SCN10A: variants seen among roughly 807,000 people sequenced by gnomAD.
SCN10A encodes the protein sodium channel protein type 10 subunit alpha.
A neutral mutation model predicts 170.7 loss-of-function variants in SCN10A; 162 were observed. The observed-to-expected ratio is 0.95, with a 90% CI of 0.84 to 1.08. SCN10A has a LOEUF of 1.08. Ranked by LOEUF, SCN10A falls within the 50% of genes least tolerant of loss-of-function variation. SCN10A has a pLI of 0.00. For missense variants in SCN10A, 2,527 were observed against 2,436.9 expected (o/e 1.04, Z -0.78); for synonymous variants, 985 against 904.6 (o/e 1.09, Z -1.59).
At chr3:38,805,411 T>C (rs1239950348) in intron 1 of SCN10A, among the ~76,000 whole-genome samples, 1 of 152,160 alleles carries the variant, frequency 6.6e-6, no homozygotes, top group Non-Finnish European at 1.5e-5. Flanking sequence ...TGCTGGGCTC[T>C]CCATGGCAAC....
chr3:38,797,921 T>C (rs1392678928), intron 1 of SCN10A, among the ~76,000 whole-genome samples: 2 of 152,190 alleles, frequency 1.3e-5, no homozygotes, highest in Admixed American at 6.5e-5. Context: ...CAAAATTGTT[T>C]TCAACATTGG....
intron 20 of SCN10A, 114 bp downstream of exon 20, chr3:38,722,144 T>C: frequency 9.8e-7 from 1 of 1,017,616 alleles, no homozygotes; most frequent in East Asian, 2.5e-5. Flanking sequence ...GTGACAAGGT[T>C]GGGGACTTTC....
intron 6 of SCN10A, 74 bp downstream of exon 6, chr3:38,763,431 C>T (rs1001263804): frequency 3.4e-6 from 4 of 1,168,658 alleles, no homozygotes; most frequent in African/African-American, 1.5e-5. Context: ...TGGAACCTTA[C>T]AGGGTTCTTG....
At chr3:38,712,035 T>C in intron 23 of SCN10A, 126 bp downstream of exon 23, 3 of 863,912 alleles carry the variant, frequency 3.5e-6, no homozygotes, top group South Asian at 1.7e-5. Flanking sequence ...GAATAGAGAA[T>C]GACCTCAGTT....
At chr3:38,789,950 T>G (rs1040826629) in intron 3 of SCN10A, among the ~76,000 whole-genome samples, 6 of 152,066 alleles carry the variant, frequency 3.9e-5, no homozygotes. Context: ...ACAGAGAGAG[T>G]ACAACACTCA....
intron 15 of SCN10A, among the ~76,000 whole-genome samples, chr3:38,737,832 C>CTTTCTTTCTT (rs373851282): frequency 0.015 from 1,079 of 70,202 alleles, 20 homozygotes; most frequent in African/African-American, 0.039. Context: ...TTCTTTCTTT[C>CTTTCTTTCTT]TCTTTCTTCT....
At chr3:38,789,069 C>G (rs762173683) in intron 3 of SCN10A, 33 bp from the exon 4 acceptor site, 2 of 1,261,962 alleles carry the variant, frequency 1.6e-6, no homozygotes, top group East Asian at 4.6e-5. Context: ...AAGCTGAGAT[C>G]ACCAAGTCTC....
chr3:38,726,873 C>A lies in SCN10A; in HGVS notation c.2820G>T (p.Gln940His). Residue 940 changes from glutamine to histidine, a missense_variant, in exon 17 of 28, where the codon CAG becomes CAT. Gln to His is a conservative substitution (Grantham distance 24). Transcript: ENST00000449082. ...SFFSRSCPFPQPKAEPELVVK... is the reference protein window; with the variant it reads ...SFFSRSCPFPHPKAEPELVVK... ...CCACCAGCTCAGGCTCTGCCTTGGG[C>A]TGGGGGAATGGGCAGGACCTGCTGA... The A allele has an allele frequency of 1.2e-6, 2 of 1,614,210 alleles. No homozygotes were observed. Among genetic ancestry groups the A allele is most frequent in the Non-Finnish European group, 1.7e-6 (2 of 1,180,034 alleles).
At chr3:38,716,580 T>C (rs538424833) in intron 21 of SCN10A, among the ~76,000 whole-genome samples, 120 of 152,258 alleles carry the variant, frequency 7.9e-4, no homozygotes, top group African/African-American at 2.7e-3. Flanking sequence ...TATGTCTTTA[T>C]CAGCAGCATG....
intron 18 of SCN10A, among the ~76,000 whole-genome samples, chr3:38,724,522 G>T (rs2063431620): frequency 6.6e-6 from 1 of 152,112 alleles, no homozygotes; most frequent in Non-Finnish European, 1.5e-5. Context: ...TAATCTTCCA[G>T]CTCAGTCTCT....
At chr3:38,713,633 G>A (rs550047175) in intron 22 of SCN10A, among the ~76,000 whole-genome samples, 1 of 152,206 alleles carries the variant, frequency 6.6e-6, no homozygotes, top group African/African-American at 2.4e-5. Flanking sequence ...CGGAGCTCAG[G>A]GTTGGTGGGA....
intron 4 of SCN10A, among the ~76,000 whole-genome samples, chr3:38,782,224 T>C (rs1431071478): frequency 6.6e-6 from 1 of 152,120 alleles, no homozygotes; most frequent in Non-Finnish European, 1.5e-5. Flanking sequence ...CATACTCTGC[T>C]CACATGTTCT....
intron 26 of SCN10A, among the ~76,000 whole-genome samples, chr3:38,704,590 T>G (rs2063190431): frequency 6.6e-6 from 1 of 152,206 alleles, no homozygotes; most frequent in South Asian, 2.1e-4. Flanking sequence ...GCCTATTATA[T>G]TTCTATAAAG....
At chr3:38,760,915 G>A (rs2063862555) in intron 7 of SCN10A, among the ~76,000 whole-genome samples, 168 bp from the exon 8 acceptor site, 1 of 152,200 alleles carries the variant, frequency 6.6e-6, no homozygotes, top group Admixed American at 6.5e-5. Flanking sequence ...CATCTGAAAA[G>A]AGAAGAGCTA....
chr3:38,775,422 C>T (rs2064060996), intron 4 of SCN10A, among the ~76,000 whole-genome samples: 1 of 152,150 alleles, frequency 6.6e-6, no homozygotes, highest in South Asian at 2.1e-4. Context: ...ATTTTTAAAA[C>T]TGAATGATAT....
chr3:38,697,913 G>C lies in SCN10A; in HGVS notation c.5307C>G (p.Asp1769Glu), dbSNP rs774474141. Reference sequence around the variant, plus strand: ...GGATTCTCAGGGGACCAGAGAGAGTGTCTGCAAAGTCCGAGAGAGCAGAAA... The same window carrying C: ...GGATTCTCAGGGGACCAGAGAGAGTCTCTGCAAAGTCCGAGAGAGCAGAAA... The part of the protein sequence containing the change: ...ITFSALSDFA[D>E]TLSGPLRIPK... The change falls in exon 28 of 28, where the codon GAC becomes GAG. Residue 1769 changes from aspartate to glutamate, a missense_variant. Transcript: ENST00000449082. 1.2e-6 allele frequency: 2 copies of C among 1,614,020 alleles called. No homozygotes were observed. The highest frequency in any genetic ancestry group is 1.7e-6 in the Non-Finnish European group (2 of 1,180,044).
intron 21 of SCN10A, among the ~76,000 whole-genome samples, chr3:38,714,549 G>A (rs1359212799): frequency 3.9e-5 from 6 of 152,200 alleles, no homozygotes; most frequent in Admixed American, 3.9e-4. Context: ...AGTGGTTTGG[G>A]TGGGGTCTAA....
In SCN10A at chr3:38,722,348, C is replaced by T. The variant is rs143744796; in HGVS notation, c.3417G>A (p.Trp1139Ter). ...DTTKSPWDVGWQVRKTCYRIV... is the reference protein window; with the variant it reads ...DTTKSPWDVG ...TACGGTAGCAAGTCTTGCGCACCTG[C>T]CAGCCCACATCCCATGGACTCTTGG... is the stretch of plus-strand genomic sequence containing the variant. The change falls in exon 20 of 28, where the codon TGG (tryptophan) becomes TGA (stop). Residue 1139 changes from tryptophan (W) to a stop codon, truncating the protein, a stop_gained. Transcript: ENST00000449082. LOFTEE classifies it high-confidence loss of function. 6.2e-7 allele frequency: 1 copy of T among 1,614,090 alleles called. No individual in the cohort carries two copies. The highest frequency in any genetic ancestry group is 1.1e-5 in the South Asian group (1 of 91,060).
intron 15 of SCN10A, 36 bp downstream of exon 15, chr3:38,739,479 G>A (rs905022005): frequency 6.3e-7 from 1 of 1,592,514 alleles, no homozygotes; most frequent in Non-Finnish European, 8.6e-7. Context: ...GAATCTGGGT[G>A]GGAGTTTCCC....
Sources: allele counts gnomAD v4.1 joint callset (sites outside exome capture counted in the v4.1 genomes callset), GRCh38; gene constraint gnomAD v4.1.1; transcripts MANE v1.5; gene names NCBI Gene and HGNC (gene_info 2026-07-23, HGNC 2026-07-21).